Variants in ADGRL2 observed in about 807,000 individuals in gnomAD.
ADGRL2 encodes adhesion G protein-coupled receptor L2.
In ADGRL2, 44 loss-of-function variants were observed where a neutral mutation model predicts 157.4. The ratio of observed to expected loss-of-function variants is 0.28; its 90% confidence interval spans 0.22 to 0.36. The LOEUF (loss-of-function observed/expected upper bound fraction) is 0.36, where lower values mean the gene tolerates loss of function less well. Ranked by LOEUF, ADGRL2 falls within the 10% of genes least tolerant of loss-of-function variation. The pLI is 1.00. For missense variants in ADGRL2, 1,510 were observed against 1,768.9 expected, an observed-to-expected ratio of 0.85 and a Z score of 2.63; for synonymous variants, 585 against 624.7, an observed-to-expected ratio of 0.94 and a Z score of 0.95.
At chr1:81,713,212 T>G (rs1026261766) in intron 1 of ADGRL2, among the ~76,000 whole-genome samples, 3 of 152,206 alleles carry the variant, frequency 2.0e-5, no homozygotes, top group African/African-American at 4.8e-5. Context: ...TCAGAGTTCA[T>G]AGTCCTCTGC....
intron 1 of ADGRL2, among the ~76,000 whole-genome samples, chr1:81,754,789 G>GA (rs1297141059): frequency 6.7e-6 from 1 of 150,020 alleles, no homozygotes; most frequent in East Asian, 2.0e-4. Context: ...TGTAGCTTTG[G>GA]AAACTTAGAC....
chr1:81,652,051 T>C (rs1246495573), intron 3 of ADGRL2, among the ~76,000 whole-genome samples: 1 of 152,156 alleles, frequency 6.6e-6, no homozygotes, highest in African/African-American at 2.4e-5. Context: ...TTTCTCCACA[T>C]GGCTAATGCC....
chr1:81,603,259 T>A, intron 3 of ADGRL2, among the ~76,000 whole-genome samples: 1 of 152,190 alleles, frequency 6.6e-6, no homozygotes, highest in East Asian at 1.9e-4. Context: ...AGTGGGCCAT[T>A]TGTTCTTTAA....
At chr1:81,893,520 A>T (rs2151471222) in intron 2 of ADGRL2, among the ~76,000 whole-genome samples, 1 of 152,278 alleles carries the variant, frequency 6.6e-6, no homozygotes, top group Non-Finnish European at 1.5e-5. Flanking sequence ...TTTTTCCTGC[A>T]ACTCCTTGTA....
At chr1:81,847,110 G>A (rs1204467443) in intron 2 of ADGRL2, among the ~76,000 whole-genome samples, 1 of 151,790 alleles carries the variant, frequency 6.6e-6, no homozygotes, top group African/African-American at 2.4e-5. Context: ...GGCTCATTCA[G>A]GGAAGTAAAG....
chr1:81,708,487 A>T (rs17106982), intron 1 of ADGRL2, among the ~76,000 whole-genome samples: 1 of 152,122 alleles, frequency 6.6e-6, no homozygotes, highest in Non-Finnish European at 1.5e-5. Context: ...TAATTTTCCT[A>T]CACGCATCTG....
chr1:81,804,858 TG>T (rs2088866776), intron 1 of ADGRL2, among the ~76,000 whole-genome samples: 1 of 152,214 alleles, frequency 6.6e-6, no homozygotes, highest in African/African-American at 2.4e-5. Flanking sequence ...ATAGAAATTT[TG>T]TGATTAAAAG....
At chr1:81,423,782 G>T (rs2077166289) in intron 1 of ADGRL2, among the ~76,000 whole-genome samples, 1 of 152,128 alleles carries the variant, frequency 6.6e-6, no homozygotes, top group South Asian at 2.1e-4. Context: ...CCACTAAGAT[G>T]AATTTCATCA....
At chr1:81,511,497 AATG>A (rs1363421292) in intron 2 of ADGRL2, among the ~76,000 whole-genome samples, 1 of 152,050 alleles carries the variant, frequency 6.6e-6, no homozygotes, top group Non-Finnish European at 1.5e-5. Flanking sequence ...TAGCAAGATT[AATG>A]ATTACTTCTT....
chr1:81,480,916 G>A (rs561053606), intron 2 of ADGRL2, among the ~76,000 whole-genome samples: 4 of 152,286 alleles, frequency 2.6e-5, no homozygotes, highest in Admixed American at 6.5e-5. Flanking sequence ...TTACAGTTAT[G>A]AAGAAATTCT....
intron 2 of ADGRL2, among the ~76,000 whole-genome samples, chr1:81,472,297 TAA>T (rs934828007): frequency 6.6e-6 from 1 of 152,182 alleles, no homozygotes; most frequent in African/African-American, 2.4e-5. Flanking sequence ...AAATAAAGAA[TAA>T]AAGAACTTGG....
chr1:81,345,108 C>T (rs1557613744), intron 1 of ADGRL2, among the ~76,000 whole-genome samples: 6 of 152,190 alleles, frequency 3.9e-5, no homozygotes, highest in East Asian at 3.8e-4. Flanking sequence ...TGCTACATGG[C>T]ATCTGGCTTC....
chr1:81,888,493 G>A (rs531242745), intron 2 of ADGRL2, among the ~76,000 whole-genome samples: 4 of 152,018 alleles, frequency 2.6e-5, no homozygotes, highest in African/African-American at 7.3e-5. Flanking sequence ...AGGCTGGAGC[G>A]CAGTGGTGCA....
chr1:81,408,033 G>GAC (rs1191907623), intron 1 of ADGRL2, among the ~76,000 whole-genome samples: 2 of 152,246 alleles, frequency 1.3e-5, no homozygotes, highest in Middle Eastern at 3.4e-3. Flanking sequence ...TGTTACACAA[G>GAC]ACACACACAG....
chr1:81,775,219 GA>G lies in ADGRL2; in HGVS notation c.-101+13376del, dbSNP rs930413196. ...ATAAAAATTGAAAACTTAATACTCT[GA>G]AAAAAAAACACACTGCTTTTCTTAC... On this transcript the variant is annotated intron_variant, in intron 2 of 20. Coordinates refer to the ADGRL2 transcript ENST00000359929. 2.0e-3 allele frequency among the ~76,000 whole-genome samples: 300 copies of G among 149,438 alleles called. 2 individuals carry two copies. Among genetic ancestry groups the G allele is most frequent in the African/African-American group, 6.8e-3 (276 of 40,698 alleles).
chr1:81,586,234 G>GAAGTA (rs1476678669), intron 3 of ADGRL2: 2 of 151,996 alleles, frequency 1.3e-5, no homozygotes, highest in Non-Finnish European at 2.9e-5. Context: ...AGCACAGGAA[G>GAAGTA]AAGTAAAACA....
At chr1:81,946,356 T>A (rs1557971876) in intron 6 of ADGRL2, among the ~76,000 whole-genome samples, 2 of 151,152 alleles carry the variant, frequency 1.3e-5, no homozygotes. Context: ...TTTTTTTTTT[T>A]TGGTGAGTTT....
At chr1:81,646,311 G>A (rs67883158) in intron 3 of ADGRL2, among the ~76,000 whole-genome samples, 1 of 151,932 alleles carries the variant, frequency 6.6e-6, no homozygotes. Flanking sequence ...AATCATATAA[G>A]AGAAAAATTA....
At chr1:81,747,296 T>TATATACATGTGC (rs1237993676) in intron 1 of ADGRL2, among the ~76,000 whole-genome samples, 1 of 145,596 alleles carries the variant, frequency 6.9e-6, no homozygotes, top group African/African-American at 2.5e-5. Flanking sequence ...TACATGTGTA[T>TATATACATGTGC]ATATATATAT....
Sources: allele counts gnomAD v4.1 joint callset (sites outside exome capture counted in the v4.1 genomes callset), GRCh38; gene constraint gnomAD v4.1.1; transcripts MANE v1.5; gene names NCBI Gene and HGNC (gene_info 2026-07-23, HGNC 2026-07-21).